GALNTL6: variants seen among roughly 807,000 people sequenced by gnomAD.
GALNTL6 encodes polypeptide N-acetylgalactosaminyltransferase like 6, also known as polypeptide N-acetylgalactosaminyltransferase-like 6.
Under a neutral mutation model 73.7 loss-of-function variants are expected in GALNTL6, and 46 were observed. The observed-to-expected ratio is 0.62, with a 90% CI of 0.49 to 0.80. The LOEUF is 0.80. Among genes scored for constraint, GALNTL6 ranks in the 30% least tolerant of loss-of-function variants. The pLI is 0.00. For missense variants in GALNTL6, 604 were observed against 755.0 expected, an observed-to-expected ratio of 0.80 and a Z score of 2.34; for synonymous variants, 259 against 263.7, an observed-to-expected ratio of 0.98 and a Z score of 0.17.
At chr4:172,012,595 C>T (rs890628014) in intron 2 of GALNTL6, among the ~76,000 whole-genome samples, 3 of 152,042 alleles carry the variant, frequency 2.0e-5, no homozygotes, top group African/African-American at 7.2e-5. Flanking sequence ...AAACCCTCTC[C>T]TGAGGTTTTC....
intron 8 of GALNTL6, among the ~76,000 whole-genome samples, chr4:172,900,351 T>C (rs1302899488): frequency 6.6e-6 from 1 of 152,210 alleles, no homozygotes; most frequent in East Asian, 1.9e-4. Flanking sequence ...TGTTTAATTG[T>C]AGAGAATGCA....
chr4:172,695,583 C>T (rs983731607), intron 5 of GALNTL6, among the ~76,000 whole-genome samples: 8 of 152,192 alleles, frequency 5.3e-5, no homozygotes, highest in Admixed American at 3.3e-4. Context: ...AGATTTCTCT[C>T]ATTTCATGTT....
At chr4:172,350,430 A>G (rs575800078) in intron 5 of GALNTL6, among the ~76,000 whole-genome samples, 19 of 152,232 alleles carry the variant, frequency 1.2e-4, no homozygotes, top group African/African-American at 3.4e-4. Context: ...TTGGTGGACT[A>G]TGTTTCTGTA....
intron 8 of GALNTL6, among the ~76,000 whole-genome samples, chr4:172,924,255 A>C (rs1440027403): frequency 6.6e-6 from 1 of 152,058 alleles, no homozygotes; most frequent in Non-Finnish European, 1.5e-5. Flanking sequence ...CTTTCCCTTC[A>C]TGTAAAGTTT....
At chr4:172,221,629 A>G (rs1308965665) in intron 2 of GALNTL6, among the ~76,000 whole-genome samples, 1 of 151,756 alleles carries the variant, frequency 6.6e-6, no homozygotes, top group Non-Finnish European at 1.5e-5. Flanking sequence ...AAGTTCTCAG[A>G]AAATTTGTCA....
intron 2 of GALNTL6, among the ~76,000 whole-genome samples, chr4:171,936,303 C>G (rs1441168856): frequency 7.2e-5 from 11 of 152,074 alleles, no homozygotes; most frequent in Admixed American, 7.2e-4. Flanking sequence ...AACATCTGTT[C>G]AAAGTAGAAA....
At chr4:172,139,832 C>G (rs1434122303) in intron 2 of GALNTL6, among the ~76,000 whole-genome samples, 2 of 152,046 alleles carry the variant, frequency 1.3e-5, no homozygotes, top group African/African-American at 4.8e-5. Context: ...TTTCCAAGAC[C>G]TAATTTTTAA....
chr4:172,008,864 C>T (rs961509363), intron 2 of GALNTL6, among the ~76,000 whole-genome samples: 2 of 152,054 alleles, frequency 1.3e-5, no homozygotes, highest in African/African-American at 4.8e-5. Flanking sequence ...TCTACCTCTA[C>T]TGCTTAGAAG....
chr4:172,448,102 A>G (rs551923611), intron 5 of GALNTL6, among the ~76,000 whole-genome samples: 6 of 152,288 alleles, frequency 3.9e-5, no homozygotes, highest in Middle Eastern at 3.4e-3. Context: ...AGTCATATGC[A>G]TGGTTATATT....
At chr4:172,549,804 C>G (rs1735892085) in intron 5 of GALNTL6, among the ~76,000 whole-genome samples, 1 of 152,100 alleles carries the variant, frequency 6.6e-6, no homozygotes, top group African/African-American at 2.4e-5. Flanking sequence ...AAGTGCCTGT[C>G]TCACCCTTTC....
At chr4:172,752,354 A>G (rs1271248303) in intron 5 of GALNTL6, among the ~76,000 whole-genome samples, 3 of 152,104 alleles carry the variant, frequency 2.0e-5, no homozygotes, top group African/African-American at 7.2e-5. Context: ...CACCCAAACA[A>G]TATGGTTAGC....
At chr4:173,000,837 G>A (rs1253623312) in intron 10 of GALNTL6, among the ~76,000 whole-genome samples, 1 of 152,156 alleles carries the variant, frequency 6.6e-6, no homozygotes, top group Non-Finnish European at 1.5e-5. Context: ...ATGGTGCTGG[G>A]AAAACTGGAT....
intron 5 of GALNTL6, among the ~76,000 whole-genome samples, chr4:172,687,740 C>A (rs1042146683): frequency 6.6e-6 from 1 of 151,830 alleles, no homozygotes. Flanking sequence ...GGGAAAAAGA[C>A]TTTAGCGCTT....
intron 5 of GALNTL6, among the ~76,000 whole-genome samples, chr4:172,779,326 C>T (rs1209930744): frequency 6.6e-6 from 1 of 152,140 alleles, no homozygotes; most frequent in African/African-American, 2.4e-5. Context: ...AAACTCTTGA[C>T]CTTCTAACAT....
intron 3 of GALNTL6, among the ~76,000 whole-genome samples, chr4:172,270,635 G>T (rs1173460794): frequency 2.6e-5 from 4 of 152,020 alleles, no homozygotes; most frequent in Non-Finnish European, 4.4e-5. Flanking sequence ...ATAGGAGAAG[G>T]TTCAATTACT....
At chr4:171,814,167 A>G (rs539805086) in intron 1 of GALNTL6, among the ~76,000 whole-genome samples, 177 bp downstream of exon 1, 1 of 152,010 alleles carries the variant, frequency 6.6e-6, no homozygotes, top group East Asian at 1.9e-4. Flanking sequence ...CACACTAAGG[A>G]GGTGGGGGGC....
intron 5 of GALNTL6, among the ~76,000 whole-genome samples, chr4:172,806,568 C>T (rs746381770): frequency 3.3e-5 from 5 of 152,188 alleles, no homozygotes; most frequent in African/African-American, 4.8e-5. Context: ...GAACAACTCC[C>T]TGTAATGGAG....
At chr4:172,981,218 AGT>A (rs1257618128) in intron 10 of GALNTL6, among the ~76,000 whole-genome samples, 2 of 152,216 alleles carry the variant, frequency 1.3e-5, no homozygotes, top group Non-Finnish European at 2.9e-5. Flanking sequence ...TACACCTAGT[AGT>A]GGAATTGCTG....
chr4:171,958,692 T>A (rs1739128091), intron 2 of GALNTL6, among the ~76,000 whole-genome samples: 1 of 152,096 alleles, frequency 6.6e-6, no homozygotes, highest in South Asian at 2.1e-4. Flanking sequence ...ATCACATAAT[T>A]GCAATTAATC....
Sources: gnomAD v4.1 joint callset for allele counts (sites outside exome capture counted in the v4.1 genomes callset) on GRCh38, gnomAD v4.1.1 for gene constraint, MANE v1.5 for transcripts, NCBI Gene and HGNC (gene_info 2026-07-23, HGNC 2026-07-21) for gene names.